The following ZEB1 variants were observed in gnomAD, a reference collection of about 807,000 sequenced individuals.
ZEB1 encodes the protein zinc finger E-box-binding homeobox 1.
In ZEB1, 21 loss-of-function variants were observed where a neutral mutation model predicts 84.9. That is an observed-to-expected ratio of 0.25 (90% CI 0.18 to 0.36). The LOEUF is 0.36. ZEB1 is among the 10% of genes least tolerant of loss of function. The probability of loss-of-function intolerance (pLI) is 1.00; values close to 1 mark genes in which losing one functional copy is unlikely to be tolerated. For synonymous variants in ZEB1, 420 were observed against 471.1 expected (o/e 0.89, Z 1.41); for missense variants, 1,104 against 1,330.2 (o/e 0.83, Z 2.65).
chr10:31,492,439 C>A (rs949436321), intron 2 of ZEB1, among the ~76,000 whole-genome samples: 2 of 151,760 alleles, frequency 1.3e-5, no homozygotes, highest in Non-Finnish European at 2.9e-5. Context: ...TCAGTAGGAC[C>A]GGCGTATTAA....
At chr10:31,370,447 C>A (rs1296165964) in intron 1 of ZEB1, among the ~76,000 whole-genome samples, 2 of 151,980 alleles carry the variant, frequency 1.3e-5, no homozygotes, top group Admixed American at 6.6e-5. Flanking sequence ...TAGGGAATTA[C>A]CATTTTTAGA....
intron 1 of ZEB1, among the ~76,000 whole-genome samples, chr10:31,400,740 CA>C (rs1372823148): frequency 6.6e-6 from 1 of 152,032 alleles, no homozygotes; most frequent in Non-Finnish European, 1.5e-5. Context: ...TTTTCATCTT[CA>C]AAAAGCATGG....
At chr10:31,416,768 T>C (rs1345975202) in intron 1 of ZEB1, among the ~76,000 whole-genome samples, 2 of 152,132 alleles carry the variant, frequency 1.3e-5, no homozygotes, top group Non-Finnish European at 2.9e-5. Context: ...CTCAAAAACA[T>C]GGGCACATAT....
intron 1 of ZEB1, among the ~76,000 whole-genome samples, chr10:31,439,576 C>T (rs2058674672): frequency 6.6e-6 from 1 of 151,570 alleles, no homozygotes; most frequent in South Asian, 2.1e-4. Flanking sequence ...CTGAATGGAA[C>T]TTGCATTGTA....
chr10:31,447,635 G>C (rs1251284439), intron 1 of ZEB1, among the ~76,000 whole-genome samples: 6 of 143,660 alleles, frequency 4.2e-5, no homozygotes, highest in Admixed American at 2.8e-4. Flanking sequence ...CTCAGCATTT[G>C]CTTGTGTGTA....
At chr10:31,368,193 C>T (rs143565606) in intron 1 of ZEB1, among the ~76,000 whole-genome samples, 326 of 152,162 alleles carry the variant, frequency 2.1e-3, no homozygotes, top group Non-Finnish European at 3.0e-3. Flanking sequence ...CTTGCTCTGT[C>T]GCGCAGGCTT....
At chr10:31,454,055 T>G (rs7070998) in intron 1 of ZEB1, among the ~76,000 whole-genome samples, 30,502 of 152,062 alleles carry the variant, frequency 0.2, 6,118 homozygotes, top group African/African-American at 0.52. Context: ...AAAAAGCTTA[T>G]CCACCACGAT....
chr10:31,521,509 G>C lies in ZEB1; in HGVS notation c.2177G>C (p.Gly726Ala), dbSNP rs1472784418. ...NTQGYLYTAE[G>A]AQEEPQVEPL... ...CAGGGTTACTTGTACACAGCTGAGG[G>C]TGCACAAGAAGAGCCACAAGTAGAA... The change falls in exon 7 of 9, where the codon GGT (glycine) becomes GCT (alanine). Residue 726 changes from glycine (G) to alanine (A), a missense_variant. By Grantham distance (60) the Gly-to-Ala change is moderately conservative. Around this residue, in one of 7 missense-constraint regions of ZEB1, gnomAD observed 531 missense variants for 575.2 expected, o/e 0.92. Transcript: ENST00000424869. 10 of 1,614,082 alleles carry C rather than the reference G, an allele frequency of 6.2e-6. No individual in the cohort carries two copies. In the East Asian group the frequency reaches 1.6e-4, roughly 25 times the overall value.
chr10:31,410,037 A>T (rs754116946), intron 1 of ZEB1, among the ~76,000 whole-genome samples: 4 of 152,210 alleles, frequency 2.6e-5, no homozygotes, highest in Non-Finnish European at 4.4e-5. Context: ...CCAGACTTCC[A>T]ATACTATGTT....
At chr10:31,329,300 C>T (rs2036259451) in intron 1 of ZEB1, among the ~76,000 whole-genome samples, 1 of 152,100 alleles carries the variant, frequency 6.6e-6, no homozygotes. Flanking sequence ...CCTTTCTGTG[C>T]ACCTTCTTTT....
At chr10:31,444,762 C>T (rs1225257138) in intron 1 of ZEB1, among the ~76,000 whole-genome samples, 2 of 151,728 alleles carry the variant, frequency 1.3e-5, no homozygotes. Context: ...TGTTCTGTTC[C>T]ATTGATCTAT....
intron 2 of ZEB1, among the ~76,000 whole-genome samples, chr10:31,469,085 T>C (rs1045320991): frequency 2.0e-5 from 3 of 152,136 alleles, no homozygotes; most frequent in African/African-American, 7.2e-5. Flanking sequence ...ACAAATGGAA[T>C]ATCTGAAAAT....
Position 31,520,676 on chromosome 10 carries a change from A to G in ZEB1, c.1344A>G (p.Ser448=). 6.2e-7 allele frequency: 1 copy of G among 1,614,082 alleles called. No homozygotes were observed. The highest frequency in any genetic ancestry group is 8.5e-7 in the Non-Finnish European group (1 of 1,180,002). ...AAGAACAAGAAACAATCAATGCTTCACCCATACAACAAGGTGGCCATTCTG... is the reference window on the plus strand; with the variant it reads ...AAGAACAAGAAACAATCAATGCTTCGCCCATACAACAAGGTGGCCATTCTG... ...ASKEQETINA[S]PIQQGGHSVI... Residue 448 remains serine (S), a synonymous_variant, in exon 7 of 9, where the codon TCA becomes TCG. Transcript: ENST00000424869. The surrounding 1 kb of genome is among the most constrained non-coding windows in gnomAD (Gnocchi z 5.1).
chr10:31,370,773 G>C (rs978846171), intron 1 of ZEB1, among the ~76,000 whole-genome samples: 1 of 152,108 alleles, frequency 6.6e-6, no homozygotes. Context: ...GTTCTTAAGA[G>C]GTCTTGATTT....
At chr10:31,486,080 TAA>T (rs2065720896) in intron 2 of ZEB1, among the ~76,000 whole-genome samples, 1 of 129,450 alleles carries the variant, frequency 7.7e-6, no homozygotes, top group Non-Finnish European at 1.6e-5. Flanking sequence ...TCCTTTTTAT[TAA>T]TGAGTAGTAT....
intron 6 of ZEB1, among the ~76,000 whole-genome samples, chr10:31,516,502 A>G (rs777225824): frequency 7.0e-5 from 10 of 142,132 alleles, no homozygotes; most frequent in Admixed American, 7.5e-5. Flanking sequence ...TAGGAAGAAA[A>G]TGACAATCAG....
intron 1 of ZEB1, among the ~76,000 whole-genome samples, chr10:31,365,936 G>C (rs1035752828): frequency 3.9e-5 from 6 of 152,164 alleles, no homozygotes; most frequent in African/African-American, 1.4e-4. Context: ...CAGGCATTCT[G>C]TGCATTAAAC....
At chr10:31,410,583 C>A (rs147665991) in intron 1 of ZEB1, among the ~76,000 whole-genome samples, 4,908 of 152,254 alleles carry the variant, frequency 0.032, 258 homozygotes, top group African/African-American at 0.11. Context: ...GGAATGGTAG[C>A]AGCTCCTTTT....
intron 2 of ZEB1, among the ~76,000 whole-genome samples, chr10:31,489,809 CTTCT>C: frequency 6.6e-6 from 1 of 151,386 alleles, no homozygotes; most frequent in East Asian, 1.9e-4. Flanking sequence ...CATTTCTCTT[CTTCT>C]TTTATTCCCG....
Sources: gnomAD v4.1 joint callset for allele counts (sites outside exome capture counted in the v4.1 genomes callset) on GRCh38, gnomAD v4.1.1 for gene constraint, gnomAD v4.1.1 regional missense constraint, Gnocchi (gnomAD v3.1) non-coding constraint, MANE v1.5 for transcripts, NCBI Gene and HGNC (gene_info 2026-07-23, HGNC 2026-07-21) for gene names.